XRN1: variants seen among roughly 807,000 people sequenced by gnomAD.
XRN1 encodes strand-exchange protein 1 homolog.
In XRN1, 67 loss-of-function variants were observed where a neutral mutation model predicts 222.3. The ratio of observed to expected loss-of-function variants is 0.30; its 90% CI spans 0.25 to 0.37. The LOEUF is 0.37. XRN1 is among the 10% of genes least tolerant of loss of function. XRN1 has a pLI of 1.00. For missense variants in XRN1, 1,707 were observed against 2,000.2 expected (o/e 0.85, Z 2.80); for synonymous variants, 643 against 652.4 (o/e 0.99, Z 0.22).
chr3:142,370,418 T>G, intron 27 of XRN1, 67 bp downstream of exon 27: 1 of 1,477,812 alleles, frequency 6.8e-7, no homozygotes, highest in Non-Finnish European at 9.1e-7. Flanking sequence ...ACAAATGAAT[T>G]ATTTGTAAAG....
chr3:142,369,665 A>C (rs1268806328), intron 27 of XRN1, among the ~76,000 whole-genome samples: 3 of 151,254 alleles, frequency 2.0e-5, no homozygotes, highest in Non-Finnish European at 4.4e-5. Context: ...AAAAAAAAAA[A>C]AAAAAACAAG....
chr3:142,419,352 A>C (rs770145290), intron 10 of XRN1, among the ~76,000 whole-genome samples: 16 of 151,994 alleles, frequency 1.1e-4, no homozygotes, highest in Admixed American at 3.9e-4. Context: ...CACACACACA[A>C]AAACCAGTGG....
In XRN1 at chr3:142,398,682, C is replaced by T. The variant is rs550288248; in HGVS notation, c.2208-1222G>A. 1.8e-3 allele frequency among the ~76,000 whole-genome samples: 278 copies of T among 152,160 alleles called. 1 individual carries two copies. Among genetic ancestry groups the T allele is most frequent in the African/African-American group, 6.1e-3 (254 of 41,518 alleles). On this transcript the variant is annotated intron_variant, in intron 19 of 40. Coordinates refer to ENST00000392981, the MANE Select transcript of XRN1 (RefSeq NM_001282857.2). ...ACACCTGGCCCCTATAAAGTATTTT[C>T]ACCAAAACAGTTTAACCTGAATCTA... is the stretch of plus-strand genomic sequence containing the variant.
chr3:142,317,641 G>C (rs539820355), intron 39 of XRN1, among the ~76,000 whole-genome samples: 1 of 152,246 alleles, frequency 6.6e-6, no homozygotes, highest in South Asian at 2.1e-4. Context: ...AGGTCTGGCT[G>C]CGTCACAGAG....
chr3:142,445,286 AT>A (rs1402451698), intron 1 of XRN1, among the ~76,000 whole-genome samples: 1 of 150,352 alleles, frequency 6.7e-6, no homozygotes, highest in African/African-American at 2.5e-5. Context: ...GTCTTACCTC[AT>A]TTTCTTAATG....
intron 20 of XRN1, among the ~76,000 whole-genome samples, chr3:142,384,946 G>C (rs2067438630): frequency 6.6e-6 from 1 of 152,054 alleles, no homozygotes; most frequent in Admixed American, 6.5e-5. Context: ...CATCCACTAG[G>C]ATCGTTATAA....
rs1440275764 is a variant in XRN1, at chr3:142,309,720, G to C, written c.*1791C>G. The C allele has an allele frequency of 6.6e-6, 1 of 152,248 alleles. No homozygotes were observed. Among genetic ancestry groups the C allele is most frequent in the Non-Finnish European group, 1.5e-5 (1 of 68,054 alleles). 9.4% of individuals were successfully genotyped at this position (152,248 alleles called of 1,614,324 possible). On this transcript the variant is annotated 3_prime_UTR_variant, in exon 41 of 41. Transcript: ENST00000392981. ...CTATTTATATAACTGTCACACAGGAGTAATGAGTGAGGCAAATTCTCAATG... is the reference window on the plus strand; with the variant it reads ...CTATTTATATAACTGTCACACAGGACTAATGAGTGAGGCAAATTCTCAATG...
chr3:142,441,040 A>G (rs1445292797), intron 1 of XRN1, among the ~76,000 whole-genome samples: 4 of 152,190 alleles, frequency 2.6e-5, no homozygotes. Flanking sequence ...AAGCCACCCA[A>G]GCGCTCTTAA....
chr3:142,379,718 A>G (rs553817639), intron 23 of XRN1, among the ~76,000 whole-genome samples: 4 of 152,346 alleles, frequency 2.6e-5, no homozygotes, highest in Admixed American at 2.6e-4. Context: ...CTTTGCAGAA[A>G]GGCCATTTGT....
chr3:142,401,704 A>G (rs62276415), intron 18 of XRN1, among the ~76,000 whole-genome samples: 57,797 of 151,920 alleles, frequency 0.38, 11,027 homozygotes, highest in Middle Eastern at 0.47. Flanking sequence ...ACAGAGTGAG[A>G]CTCTGTCAAA....
At chr3:142,433,852 A>G (rs1210294149) in intron 1 of XRN1, among the ~76,000 whole-genome samples, 1 of 152,206 alleles carries the variant, frequency 6.6e-6, no homozygotes, top group Non-Finnish European at 1.5e-5. Flanking sequence ...GTAACAATAT[A>G]TTTTCCTGCT....
intron 8 of XRN1, among the ~76,000 whole-genome samples, chr3:142,422,039 T>C (rs1436534442): frequency 6.6e-6 from 1 of 152,200 alleles, no homozygotes; most frequent in Non-Finnish European, 1.5e-5. Flanking sequence ...GCTGGCTTTC[T>C]TAAGGAATTA....
chr3:142,445,352 T>A (rs1029873596), intron 1 of XRN1, among the ~76,000 whole-genome samples: 1 of 152,220 alleles, frequency 6.6e-6, no homozygotes, highest in African/African-American at 2.4e-5. Flanking sequence ...TTGGTCTATT[T>A]TGTGTGCATT....
At chr3:142,422,512 T>G in intron 8 of XRN1, 70 bp downstream of exon 8, 1 of 1,490,712 alleles carries the variant, frequency 6.7e-7, no homozygotes, top group African/African-American at 1.4e-5. Context: ...TCTACTAAAC[T>G]AAGTCACATT....
chr3:142,444,593 A>G (rs981707697), intron 1 of XRN1, among the ~76,000 whole-genome samples: 1 of 152,200 alleles, frequency 6.6e-6, no homozygotes, highest in African/African-American at 2.4e-5. Context: ...GGGGTGACAG[A>G]GCGCGACCTT....
At chr3:142,433,735 G>A (rs1305293125) in intron 1 of XRN1, among the ~76,000 whole-genome samples, 1 of 152,166 alleles carries the variant, frequency 6.6e-6, no homozygotes, top group Non-Finnish European at 1.5e-5. Context: ...TTAGAATAGA[G>A]TCTGCCTTAC....
chr3:142,354,734 T>A (rs544431298), intron 32 of XRN1, among the ~76,000 whole-genome samples: 4 of 152,236 alleles, frequency 2.6e-5, no homozygotes, highest in African/African-American at 9.6e-5. Context: ...TTTCACCATA[T>A]TGGCCAGGCT....
At chr3:142,443,567 C>T (rs944676958) in intron 1 of XRN1, among the ~76,000 whole-genome samples, 18 of 152,206 alleles carry the variant, frequency 1.2e-4, no homozygotes, top group Admixed American at 1.0e-3. Context: ...GCATTCAAGC[C>T]GGCAACAGCA....
chr3:142,381,563 CTTT>C (rs766961502), intron 22 of XRN1, among the ~76,000 whole-genome samples: 71 of 84,202 alleles, frequency 8.4e-4, no homozygotes, highest in Non-Finnish European at 1.2e-3. Flanking sequence ...TAAGTTATTG[CTTT>C]TTTTTTTTTT....
Sources: gnomAD v4.1 joint callset for allele counts (sites outside exome capture counted in the v4.1 genomes callset) on GRCh38, gnomAD v4.1.1 for gene constraint, MANE v1.5 for transcripts, NCBI Gene and HGNC (gene_info 2026-07-23, HGNC 2026-07-21) for gene names.